The following REC114 variants were observed in gnomAD, a reference collection of about 807,000 sequenced individuals.
REC114 encodes REC114 meiotic recombination protein, also known as meiotic recombination protein REC114.
Under a neutral mutation model 31.3 loss-of-function variants are expected in REC114, and 27 were observed. The ratio of observed to expected loss-of-function variants is 0.86; its 90% CI spans 0.64 to 1.19. The LOEUF (loss-of-function observed/expected upper bound fraction) is 1.19. Ranked by LOEUF, REC114 falls within the 50% of genes most tolerant of loss-of-function variation. REC114 has a pLI of 0.00. For synonymous variants in REC114, 134 were observed against 127.7 expected, an observed-to-expected ratio of 1.05 and a Z score of -0.33; for missense variants, 344 against 326.9, an observed-to-expected ratio of 1.05 and a Z score of -0.40.
At chr15:73,542,876 A>T (rs1218667086) in intron 3 of REC114, among the ~76,000 whole-genome samples, 1 of 152,062 alleles carries the variant, frequency 6.6e-6, no homozygotes, top group African/African-American at 2.4e-5. Context: ...TTTCACTATT[A>T]TAAAAATGTT....
chr15:73,549,448 G>C (rs780993534), intron 3 of REC114, among the ~76,000 whole-genome samples: 4 of 152,114 alleles, frequency 2.6e-5, no homozygotes. Flanking sequence ...ACAGGATGAC[G>C]ATAATGGAAA....
intron 2 of REC114, among the ~76,000 whole-genome samples, chr15:73,477,972 TG>T (rs1893236859): frequency 6.6e-6 from 1 of 152,112 alleles, no homozygotes. Flanking sequence ...GTTAAGAATT[TG>T]GGTTTATTGG....
At chr15:73,462,530 A>G (rs977798823) in intron 1 of REC114, among the ~76,000 whole-genome samples, 5 of 152,178 alleles carry the variant, frequency 3.3e-5, no homozygotes, top group African/African-American at 1.2e-4. Context: ...AAGCATTTCA[A>G]ACATAATCAA....
chr15:73,544,952 G>C (rs926989594), intron 3 of REC114, among the ~76,000 whole-genome samples: 2 of 152,146 alleles, frequency 1.3e-5, no homozygotes, highest in African/African-American at 4.8e-5. Flanking sequence ...GGCTCTCTAT[G>C]TCATGTTAAC....
intron 3 of REC114, among the ~76,000 whole-genome samples, chr15:73,548,048 A>T: frequency 6.6e-6 from 1 of 152,178 alleles, no homozygotes; most frequent in African/African-American, 2.4e-5. Flanking sequence ...AGCACCTACA[A>T]GGAACTTAAA....
intron 2 of REC114, among the ~76,000 whole-genome samples, chr15:73,475,280 T>C (rs541702208): frequency 3.8e-4 from 58 of 152,338 alleles, no homozygotes; most frequent in African/African-American, 1.3e-3. Flanking sequence ...AACCAAGTTA[T>C]CAAATTCCAA....
At chr15:73,454,364 A>T (rs986245817) in intron 1 of REC114, among the ~76,000 whole-genome samples, 1 of 152,168 alleles carries the variant, frequency 6.6e-6, no homozygotes, top group African/African-American at 2.4e-5. Context: ...GAGAAATTTA[A>T]GTGGAGTGAA....
chr15:73,555,499 G>A (rs1436429252), intron 4 of REC114, among the ~76,000 whole-genome samples: 2 of 152,118 alleles, frequency 1.3e-5, no homozygotes, highest in African/African-American at 2.4e-5. Flanking sequence ...CAGATAGCAT[G>A]GACCTTAGAG....
At chr15:73,540,255 A>C (rs1190843736) in intron 2 of REC114, among the ~76,000 whole-genome samples, 3 of 152,150 alleles carry the variant, frequency 2.0e-5, no homozygotes, top group African/African-American at 7.2e-5. Flanking sequence ...TTCAACATAA[A>C]AAGATTAAGA....
chr15:73,499,237 A>G (rs1338810347), intron 2 of REC114, among the ~76,000 whole-genome samples: 2 of 151,946 alleles, frequency 1.3e-5, no homozygotes, highest in African/African-American at 2.4e-5. Context: ...AGAAAGTGCA[A>G]TTACTTTTGC....
At chr15:73,458,431 A>G (rs755861520) in intron 1 of REC114, among the ~76,000 whole-genome samples, 1 of 152,200 alleles carries the variant, frequency 6.6e-6, no homozygotes, top group Non-Finnish European at 1.5e-5. Context: ...CAGATGTAGG[A>G]GTATCATCAA....
intron 2 of REC114, among the ~76,000 whole-genome samples, chr15:73,537,146 T>C (rs573288717): frequency 6.6e-6 from 1 of 152,348 alleles, no homozygotes; most frequent in African/African-American, 2.4e-5. Context: ...TTGGGGCTTA[T>C]AGTCTAGTGA....
At chr15:73,543,886 T>A (rs1013211857) in intron 3 of REC114, among the ~76,000 whole-genome samples, 3 of 151,850 alleles carry the variant, frequency 2.0e-5, no homozygotes, top group Non-Finnish European at 4.4e-5. Context: ...GACGTCTTCC[T>A]GACTTGCATG....
chr15:73,540,336 C>T (rs1894220949), intron 2 of REC114, 149 bp from the exon 3 acceptor site: 4 of 701,188 alleles, frequency 5.7e-6, no homozygotes, highest in Middle Eastern at 5.7e-4. Context: ...TAAGGGTCAT[C>T]CTTGGCAACT....
intron 2 of REC114, among the ~76,000 whole-genome samples, chr15:73,493,114 T>C (rs912324112): frequency 6.6e-6 from 1 of 152,094 alleles, no homozygotes; most frequent in African/African-American, 2.4e-5. Context: ...ATTCCTGGGC[T>C]CAAGAAATCT....
chr15:73,515,013 T>G (rs934209023), intron 2 of REC114, among the ~76,000 whole-genome samples: 3 of 151,728 alleles, frequency 2.0e-5, no homozygotes, highest in Admixed American at 1.3e-4. Flanking sequence ...CATCATGGCT[T>G]ACTGCAGCCT....
At position 73,443,724 on chromosome 15, in the gene REC114, C is replaced by T. The variant is rs144510594; in HGVS notation, c.159+380C>T. 4.9e-3 allele frequency among the ~76,000 whole-genome samples: 752 copies of T among 152,252 alleles called. 6 individuals are homozygous for T. Among genetic ancestry groups the T allele is most frequent in the African/African-American group, 0.017 (713 of 41,536 alleles). On this transcript the variant is annotated intron_variant, in intron 1 of 5. Coordinates refer to ENST00000331090, the MANE Select transcript of REC114 (RefSeq NM_001042367.2). ...TTTAGTGGAGGATATACTATTTATC[C>T]AAATAACTAATTACAGAAGGGACAA...
intron 2 of REC114, among the ~76,000 whole-genome samples, chr15:73,519,494 T>C (rs1012379869): frequency 6.6e-6 from 1 of 152,206 alleles, no homozygotes; most frequent in Non-Finnish European, 1.5e-5. Flanking sequence ...TTGGCAAGGA[T>C]GTAAAGAAAC....
chr15:73,534,398 T>A (rs892139638), intron 2 of REC114, among the ~76,000 whole-genome samples: 13 of 152,216 alleles, frequency 8.5e-5, no homozygotes, highest in Admixed American at 1.3e-4. Context: ...AATACTACAA[T>A]CACCTCTACG....
Sources: allele counts gnomAD v4.1 joint callset (sites outside exome capture counted in the v4.1 genomes callset), GRCh38; gene constraint gnomAD v4.1.1; transcripts MANE v1.5; gene names NCBI Gene and HGNC (gene_info 2026-07-23, HGNC 2026-07-21).